The following SVIL variants were observed in gnomAD, a reference collection of about 807,000 sequenced individuals.
SVIL encodes archvillin.
SVIL carries 101 observed loss-of-function variants against 240.4 expected under a neutral mutation model. That is an observed-to-expected ratio of 0.42 (90% CI 0.36 to 0.50). The LOEUF is 0.50. Ranked by LOEUF, SVIL falls within the 20% of genes least tolerant of loss-of-function variation. SVIL has a pLI of 0.01. For missense variants in SVIL, 2,512 were observed against 2,818.7 expected (o/e 0.89, Z 2.46); for synonymous variants, 999 against 1,100.0 (o/e 0.91, Z 1.82).
chr10:29,693,086 C>A (rs1192249580), intron 1 of SVIL, among the ~76,000 whole-genome samples: 1 of 152,094 alleles, frequency 6.6e-6, no homozygotes. Context: ...GGCAGGCACT[C>A]CGAGTGTTTT....
At chr10:29,480,489 G>A in intron 29 of SVIL, 48 bp downstream of exon 29, 1 of 1,597,546 alleles carries the variant, frequency 6.3e-7, no homozygotes, top group Non-Finnish European at 8.5e-7. Context: ...CCGCAGGGCT[G>A]CCGGGCCAGC....
chr10:29,505,779 G>A (rs532044731), intron 17 of SVIL, among the ~76,000 whole-genome samples: 11 of 152,152 alleles, frequency 7.2e-5, no homozygotes, highest in Non-Finnish European at 1.6e-4. Context: ...GGAGGGCAGG[G>A]ATGATGCAGG....
intron 2 of SVIL, among the ~76,000 whole-genome samples, chr10:29,659,552 A>G (rs1148218): frequency 0.18 from 27,467 of 152,182 alleles, 2,683 homozygotes; most frequent in South Asian, 0.35. Context: ...TGGTTTATCC[A>G]GCATAGAGAG....
Position 29,551,118 on chromosome 10 carries a change from G to A in SVIL, c.306C>T (p.Ala102=), listed in dbSNP as rs982914195. The change falls in exon 6 of 38, where the codon GCC becomes GCT. Residue 102 remains alanine (A), a synonymous_variant. Coordinates refer to ENST00000355867, the MANE Select transcript of SVIL (RefSeq NM_021738.3). The stretch of plus-strand genomic sequence containing the variant: ...CTGCTTTGTACCTTGCAATTCTTTC[G>A]GCTTTGGACTCCAGACTGTGGGTGT... The part of the protein sequence containing the change: ...TMDTHSLESK[A]ERIARYKAER... 6.2e-6 allele frequency: 10 copies of A among 1,613,910 alleles called. No homozygotes were observed. The East Asian group carries it at 1.3e-4, about 22-fold the overall frequency.
At chr10:29,620,621 C>A (rs1029489075) in intron 1 of SVIL, among the ~76,000 whole-genome samples, 9 of 152,140 alleles carry the variant, frequency 5.9e-5, no homozygotes, top group African/African-American at 2.2e-4. Flanking sequence ...AGGTATTATC[C>A]CTGCTTTTTA....
chr10:29,509,211 T>A (rs1209175888), intron 17 of SVIL, among the ~76,000 whole-genome samples: 1 of 151,760 alleles, frequency 6.6e-6, no homozygotes, highest in Non-Finnish European at 1.5e-5. Context: ...GACTCACACA[T>A]GTTTAAGTCA....
intron 17 of SVIL, among the ~76,000 whole-genome samples, chr10:29,506,679 A>ACGAGGGAGGGGACAGAGACCC (rs1564534982): frequency 8.8e-6 from 1 of 114,188 alleles, no homozygotes; most frequent in African/African-American, 3.2e-5. Flanking sequence ...CAGAGGCCCT[A>ACGAGGGAGGGGACAGAGACCC]TGAGGGAGGG....
At chr10:29,527,870 C>T (rs148924839) in intron 12 of SVIL, among the ~76,000 whole-genome samples, 2,491 of 151,730 alleles carry the variant, frequency 0.016, 62 homozygotes, top group African/African-American at 0.057. Context: ...GGATTACAGG[C>T]GTGCGCCACC....
intron 1 of SVIL, among the ~76,000 whole-genome samples, chr10:29,716,191 A>C (rs754794956): frequency 6.9e-6 from 1 of 144,830 alleles, no homozygotes; most frequent in Non-Finnish European, 1.5e-5. Flanking sequence ...TGTTCATATG[A>C]ATATTTTACA....
intron 1 of SVIL, among the ~76,000 whole-genome samples, chr10:29,688,046 G>C (rs968717031): frequency 2.6e-5 from 4 of 152,100 alleles, no homozygotes; most frequent in Admixed American, 6.5e-5. Context: ...ACTTTCCCCG[G>C]TAGAAGGGGA....
chr10:29,732,529 T>TTGTTCAGTTTAA (rs1165880518), intron 1 of SVIL, among the ~76,000 whole-genome samples: 2 of 152,248 alleles, frequency 1.3e-5, no homozygotes, highest in Non-Finnish European at 2.9e-5. Flanking sequence ...TGCTCATTAA[T>TTGTTCAGTTTAA]TGTTCAGTTT....
intron 1 of SVIL, among the ~76,000 whole-genome samples, chr10:29,577,463 T>C (rs1955751947): frequency 6.6e-6 from 1 of 152,332 alleles, no homozygotes; most frequent in South Asian, 2.1e-4. Flanking sequence ...GTTACTTCAC[T>C]TAGAATAATG....
intron 1 of SVIL, among the ~76,000 whole-genome samples, chr10:29,604,571 CT>C (rs1956948069): frequency 6.7e-6 from 1 of 149,524 alleles, no homozygotes; most frequent in African/African-American, 2.5e-5. Flanking sequence ...TACTTACTTA[CT>C]CATTGATGGA....
rs1199865945 is a variant in SVIL, at chr10:29,457,663, TACTCAGA to T, written c.*577_*583del. The T allele has an allele frequency of 6.6e-6, 1 of 152,660 alleles. No individual in the cohort carries two copies. The highest frequency in any genetic ancestry group is 2.4e-5 in the African/African-American group (1 of 41,450). The allele number at this position is 152,660 out of a possible 1,614,324, so 9.5% of individuals were successfully genotyped here. ...TTGTTCATTTTAGCACCGGAAGCAG[TACTCAGA>T]ACAAGTCATACCTAATGCTGCAGGA... On this transcript the variant is annotated 3_prime_UTR_variant, in exon 38 of 38. Coordinates refer to ENST00000355867, the MANE Select transcript of SVIL (RefSeq NM_021738.3).
At chr10:29,610,962 G>C (rs535867645) in intron 1 of SVIL, among the ~76,000 whole-genome samples, 1 of 152,290 alleles carries the variant, frequency 6.6e-6, no homozygotes, top group East Asian at 1.9e-4. Flanking sequence ...CCCCGTAACT[G>C]TGTTCAGCTC....
intron 1 of SVIL, among the ~76,000 whole-genome samples, chr10:29,591,509 T>C (rs1956388358): frequency 6.6e-6 from 1 of 152,254 alleles, no homozygotes; most frequent in Non-Finnish European, 1.5e-5. Flanking sequence ...TAGCTCTCTC[T>C]ATAAAACCTG....
At chr10:29,480,435 G>C (rs2368407) in intron 29 of SVIL, 102 bp downstream of exon 29, 64 of 1,460,674 alleles carry the variant, frequency 4.4e-5, no homozygotes, top group Admixed American at 7.4e-5. Flanking sequence ...CCACTGCACG[G>C]ACGCAGCAGA....
intron 6 of SVIL, among the ~76,000 whole-genome samples, chr10:29,540,923 T>A (rs1196956749): frequency 6.6e-6 from 1 of 152,188 alleles, no homozygotes; most frequent in Non-Finnish European, 1.5e-5. Flanking sequence ...CGCAGCCTGA[T>A]CATAATACTG....
At chr10:29,651,618 T>TCTCTCTC (rs1958838345) in intron 3 of SVIL, among the ~76,000 whole-genome samples, 1 of 135,328 alleles carries the variant, frequency 7.4e-6, no homozygotes, top group South Asian at 2.6e-4. Flanking sequence ...GCCACATGCA[T>TCTCTCTC]TCTCTCTCTC....
Sources: gnomAD v4.1 joint callset for allele counts (sites outside exome capture counted in the v4.1 genomes callset) on GRCh38, gnomAD v4.1.1 for gene constraint, MANE v1.5 for transcripts, NCBI Gene and HGNC (gene_info 2026-07-23, HGNC 2026-07-21) for gene names.